RTTN: variants seen among roughly 807,000 people sequenced by gnomAD.
RTTN encodes the protein rotatin.
Under a neutral mutation model 269.2 loss-of-function variants are expected in RTTN, and 182 were observed. That is an observed-to-expected ratio of 0.68 (90% CI 0.60 to 0.76). The LOEUF is 0.76. RTTN is among the 30% of genes least tolerant of loss of function. The probability of loss-of-function intolerance (pLI) is 0.00; values close to 1 mark genes in which losing one functional copy is unlikely to be tolerated. For missense variants in RTTN, 2,545 were observed against 2,608.6 expected (o/e 0.98, Z 0.53); for synonymous variants, 1,006 against 963.5 (o/e 1.04, Z -0.82).
At chr18:70,053,443 G>C (rs2057731900) in intron 38 of RTTN, 1 of 152,112 alleles carries the variant, frequency 6.6e-6, no homozygotes, top group Non-Finnish European at 1.5e-5. Flanking sequence ...TTAACATCGA[G>C]ATCATTTTAA....
chr18:70,193,315 C>T lies in RTTN; in HGVS notation c.980G>A (p.Gly327Asp), dbSNP rs747481227. 10 of 1,611,274 alleles carry T rather than the reference C, an allele frequency of 6.2e-6. No homozygotes were observed. Among genetic ancestry groups the T allele is most frequent in the Non-Finnish European group, 2.5e-6 (3 of 1,178,622 alleles). ...AGAGGACGCTGCATCCCAGTCCTGG[C>T]CATCTCCTCTGGGTCGCTGGCCTGT... is the stretch of plus-strand genomic sequence containing the variant. ...GRTGQRPRGD[G>D]QDWDAASSSG... is the part of the protein sequence containing the mutation. Residue 327 changes from glycine (G) to aspartate (D), a missense_variant, in exon 8 of 49, where the codon GGC becomes GAC. Gly to Asp is a moderately conservative substitution (Grantham distance 94). Transcript: ENST00000640769.
chr18:70,009,846 AAG>A (rs1176669898), intron 46 of RTTN, among the ~76,000 whole-genome samples: 5 of 152,162 alleles, frequency 3.3e-5, no homozygotes, highest in African/African-American at 1.2e-4. Flanking sequence ...ATCTCGTGCA[AAG>A]ACACACATAG....
At chr18:70,008,427 G>A (rs551451565) in intron 46 of RTTN, 1 of 152,122 alleles carries the variant, frequency 6.6e-6, no homozygotes, top group African/African-American at 2.4e-5. Flanking sequence ...ACAGAAGCAG[G>A]CTTCAGAAGG....
Position 70,166,105 on chromosome 18 carries a change from C to G in RTTN, c.1886G>C (p.Arg629Pro). The change falls in exon 14 of 49, where the codon CGA becomes CCA. Residue 629 changes from arginine (R) to proline (P), a missense_variant. Physicochemically the swap from Arg to Pro is moderately radical, Grantham distance 103. Coordinates refer to ENST00000640769, the MANE Select transcript of RTTN (RefSeq NM_173630.4). The stretch of plus-strand genomic sequence containing the variant: ...GCAGTGGTAAGTTTCAGCTTTCACT[C>G]GTGGCAATGGGTGAGACAACATATG... ...LLHMLSHPLP[R>P]VKAETYHCCL... The G allele has an allele frequency of 1.9e-6, 3 of 1,613,766 alleles. No homozygotes were observed. Among genetic ancestry groups the G allele is most frequent in the Non-Finnish European group, 2.5e-6 (3 of 1,179,752 alleles).
chr18:70,060,276 A>T (rs1483608002), intron 35 of RTTN, among the ~76,000 whole-genome samples: 2 of 151,936 alleles, frequency 1.3e-5, no homozygotes, highest in Admixed American at 6.6e-5. Context: ...ACACACGGAC[A>T]TTGTCGTATG....
At chr18:70,186,496 G>T (rs1047386274) in intron 10 of RTTN, among the ~76,000 whole-genome samples, 1 of 152,150 alleles carries the variant, frequency 6.6e-6, no homozygotes, top group Non-Finnish European at 1.5e-5. Flanking sequence ...GCTCGCACCT[G>T]TAATTCTAGC....
chr18:70,137,383 A>G (rs2060150007), intron 21 of RTTN, among the ~76,000 whole-genome samples: 1 of 152,200 alleles, frequency 6.6e-6, no homozygotes, highest in Admixed American at 6.5e-5. Flanking sequence ...CATAACATAA[A>G]GTTTATAATT....
chr18:70,121,737 T>C, intron 25 of RTTN, 37 bp from the exon 26 acceptor site: 1 of 1,505,888 alleles, frequency 6.6e-7, no homozygotes, highest in Non-Finnish European at 8.8e-7. Context: ...TTTCTGGCGC[T>C]TTAAAATACA....
intron 35 of RTTN, among the ~76,000 whole-genome samples, chr18:70,060,398 G>T (rs1232624693): frequency 1.3e-5 from 2 of 152,136 alleles, no homozygotes; most frequent in Non-Finnish European, 2.9e-5. Context: ...GGGGCCAAAG[G>T]TGTGTCCAAA....
intron 11 of RTTN, among the ~76,000 whole-genome samples, chr18:70,172,381 G>C (rs2061165044): frequency 6.6e-6 from 1 of 152,150 alleles, no homozygotes; most frequent in South Asian, 2.1e-4. Context: ...AAAAGTTTCA[G>C]AGTCCAAATT....
intron 10 of RTTN, among the ~76,000 whole-genome samples, chr18:70,183,687 C>G (rs1368199211): frequency 6.6e-6 from 1 of 152,126 alleles, no homozygotes; most frequent in Non-Finnish European, 1.5e-5. Flanking sequence ...CAGCACCACT[C>G]CAGGTGTGAC....
rs541335727 is a variant in RTTN at position 70,054,083 on chromosome 18, T to C, written c.5185+48A>G. 3 of 1,469,352 alleles carry C rather than the reference T, an allele frequency of 2.0e-6. No homozygotes were observed. In the South Asian group the frequency reaches 3.7e-5, roughly 18 times the overall value. The allele number at this position is 1,469,352 out of a possible 1,614,324, so 91.0% of individuals were successfully genotyped here. A position where few individuals can be genotyped will look rare whatever the true frequency, so the allele number is the denominator to read the frequency against. ...TATCTGAAACAGAGTAAGTTTTTTT[T>C]CCTCAGTATTATTCACTTACATTCT... On this transcript the variant is annotated intron_variant, in intron 38 of 48. Transcript: ENST00000640769.
At chr18:70,197,426 T>G (rs1419057522) in intron 6 of RTTN, among the ~76,000 whole-genome samples, 198 bp downstream of exon 6, 2 of 152,218 alleles carry the variant, frequency 1.3e-5, no homozygotes, top group African/African-American at 4.8e-5. Flanking sequence ...ACTGCAAGTG[T>G]CAAATGAAAC....
At position 70,121,589 on chromosome 18, in the gene RTTN, A is replaced by G. The variant is rs2059739190; in HGVS notation, c.3495T>C (p.Leu1165=). The part of the protein sequence containing the change: ...KEQRKNSSLE[L]LNWILELLLR... ...GAAGTAATTCGAGAATCCAGTTTAGAAGTTCTAGTGAAGAATTTTTTCTTT... is the reference window on the plus strand; with the variant it reads ...GAAGTAATTCGAGAATCCAGTTTAGGAGTTCTAGTGAAGAATTTTTTCTTT... Residue 1165 remains leucine (L), a synonymous_variant, in exon 26 of 49, where the codon CTT becomes CTC. Coordinates refer to ENST00000640769, the MANE Select transcript of RTTN (RefSeq NM_173630.4). 6.3e-7 allele frequency: 1 copy of G among 1,577,470 alleles called. No individual in the cohort carries two copies. Among genetic ancestry groups the G allele is most frequent in the Admixed American group, 2.0e-5 (1 of 49,428 alleles).
chr18:70,013,731 A>T (rs1791002401), intron 46 of RTTN, among the ~76,000 whole-genome samples: 1 of 152,170 alleles, frequency 6.6e-6, no homozygotes, highest in Non-Finnish European at 1.5e-5. Flanking sequence ...TTTAAGTATA[A>T]GTTTAGGGAT....
At chr18:70,097,992 T>C (rs1282771943) in intron 28 of RTTN, among the ~76,000 whole-genome samples, 2 of 152,216 alleles carry the variant, frequency 1.3e-5, no homozygotes, top group East Asian at 3.8e-4. Flanking sequence ...AAACTCATTT[T>C]CTAGAGGAGA....
chr18:70,150,607 C>A lies in RTTN; in HGVS notation c.2055+1G>T. 1 of 1,611,664 alleles carries A rather than the reference C, an allele frequency of 6.2e-7. No homozygotes were observed. The highest frequency in any genetic ancestry group is 8.5e-7 in the Non-Finnish European group (1 of 1,178,306). ...ATTTTCACTCATGTTTAATGTCATA[C>A]CTCACTTTCGGGCTCTTGAATGCCA... is the stretch of plus-strand genomic sequence containing the variant. On this transcript the variant is annotated splice_donor_variant, in intron 15 of 48. Coordinates refer to ENST00000640769, the MANE Select transcript of RTTN (RefSeq NM_173630.4). LOFTEE classifies it high-confidence loss of function.
intron 20 of RTTN, 67 bp from the exon 21 acceptor site, chr18:70,139,783 A>C: frequency 1.1e-6 from 1 of 909,554 alleles, no homozygotes; most frequent in South Asian, 1.5e-5. Context: ...AACAGACCAT[A>C]ATATTATCTT....
intron 28 of RTTN, among the ~76,000 whole-genome samples, chr18:70,097,860 T>C (rs768312686): frequency 6.6e-6 from 1 of 152,180 alleles, no homozygotes; most frequent in Non-Finnish European, 1.5e-5. Context: ...TCTAAAGTCT[T>C]TGCACGTAAT....
Sources: allele counts gnomAD v4.1 joint callset (sites outside exome capture counted in the v4.1 genomes callset), GRCh38; gene constraint gnomAD v4.1.1; transcripts MANE v1.5; gene names NCBI Gene and HGNC (gene_info 2026-07-23, HGNC 2026-07-21).